COPA: variants seen among roughly 807,000 people sequenced by gnomAD.
COPA encodes the protein coat protein complex I subunit alpha.
A neutral mutation model predicts 158.7 loss-of-function variants in COPA; 10 were observed. The observed-to-expected ratio is 0.06, with a 90% CI of 0.04 to 0.11. COPA has a LOEUF of 0.11. COPA is among the 10% of genes least tolerant of loss of function. The pLI is 1.00. For missense variants in COPA, 1,065 were observed against 1,536.7 expected (o/e 0.69, Z 5.13); for synonymous variants, 462 against 542.8 (o/e 0.85, Z 2.07).
At chr1:160,297,859 C>G (rs1658464584) in intron 19 of COPA, 114 bp from the exon 20 acceptor site, 1 of 1,119,002 alleles carries the variant, frequency 8.9e-7, no homozygotes, top group South Asian at 1.6e-5. Context: ...CCTATACTTT[C>G]AATTACTCCT....
rs1283009687 is a variant in COPA at position 160,333,621 on chromosome 1, T to A, written c.368A>T (p.Gln123Leu). Residue 123 changes from glutamine to leucine, a missense_variant, in exon 5 of 33, where the codon CAA (glutamine) becomes CTA (leucine). By Grantham distance (113) the Gln-to-Leu change is moderately radical. This residue lies in a region of COPA where 85 missense variants were observed against 178.9 expected (regional missense o/e 0.48). Transcript: ENST00000241704. ...DDQTIRVWNW[Q>L]SRTCVCVLTG... is the part of the protein sequence containing the mutation. ...GCTTTACCAAACACAGGTTCTAGATTGCCAGTTCCACACTCGGATGGTCTG... is the reference window on the plus strand; with the variant it reads ...GCTTTACCAAACACAGGTTCTAGATAGCCAGTTCCACACTCGGATGGTCTG... 1.2e-6 allele frequency: 2 copies of A among 1,612,948 alleles called. No homozygotes were observed. Among genetic ancestry groups the A allele is most frequent in the East Asian group, 2.2e-5 (1 of 44,894 alleles).
At chr1:160,316,222 G>A (rs1226798692) in intron 8 of COPA, among the ~76,000 whole-genome samples, 1 of 152,084 alleles carries the variant, frequency 6.6e-6, no homozygotes, top group Non-Finnish European at 1.5e-5. Flanking sequence ...GCCAGACCTG[G>A]TGGTGGATGC....
At position 160,332,472 on chromosome 1, in the gene COPA, T is replaced by G; in HGVS notation, c.472A>C (p.Thr158Pro). The G allele has an allele frequency of 6.2e-7, 1 of 1,613,578 alleles. No homozygotes were observed. The highest frequency in any genetic ancestry group is 8.5e-7 in the Non-Finnish European group (1 of 1,179,858). The change falls in exon 6 of 33, where the codon ACT becomes CCT. Residue 158 changes from threonine (T) to proline (P), a missense_variant. By Grantham distance (38) the Thr-to-Pro change is conservative. Coordinates refer to ENST00000241704, the MANE Select transcript of COPA (RefSeq NM_004371.4). ...CCAGAAATATCCCAAACGCGCACAG[T>G]CTGGTCCAGGCTGGCTGATACTACC... Reference protein sequence around the residue: ...DLVVSASLDQTVRVWDISGLR... With the variant: ...DLVVSASLDQPVRVWDISGLR...
In COPA at chr1:160,305,517, A is replaced by G; in HGVS notation, c.1583T>C (p.Ile528Thr). The G allele has an allele frequency of 1.2e-6, 2 of 1,614,120 alleles. No homozygotes were observed. Among genetic ancestry groups the G allele is most frequent in the Non-Finnish European group, 1.7e-6 (2 of 1,180,012 alleles). The change falls in exon 17 of 33, where the codon ATT becomes ACT. Residue 528 changes from isoleucine (I) to threonine (T), a missense_variant. Ile to Thr is a moderately conservative substitution (Grantham distance 89, BLOSUM62 -1). Around this residue, in one of 2 missense-constraint regions of COPA, gnomAD observed 980 missense variants for 1,357.8 expected, o/e 0.72. Transcript: ENST00000241704. ...ATCCCAGGCCCCACTCTTGACACGA[A>G]TGTTCTCATGAATGTTACATAAAGC... ...LDALCNIHENIRVKSGAWDES... is the reference protein window; with the variant it reads ...LDALCNIHENTRVKSGAWDES...
intron 3 of COPA, among the ~76,000 whole-genome samples, chr1:160,339,015 C>T (rs1647910229): frequency 6.7e-6 from 1 of 148,534 alleles, no homozygotes; most frequent in Non-Finnish European, 1.5e-5. Context: ...CATTCTCTTC[C>T]ACTCCAGAAA....
rs1023060689 is a variant in COPA at position 160,306,071 on chromosome 1, G to A, written c.1442+283C>T. 1.1e-5 allele frequency: 6 copies of A among 567,686 alleles called. No homozygotes were observed. In the Admixed American group the frequency reaches 1.6e-4, roughly 15 times the overall value. 35.2% of individuals were successfully genotyped at this position (567,686 alleles called of 1,614,324 possible). Reference sequence around the variant, plus strand: ...AAGCTCCCTTAAATGTAGGAACTATGTTATTAATCTCTGTCTCTCTCTCAT... The same window carrying A: ...AAGCTCCCTTAAATGTAGGAACTATATTATTAATCTCTGTCTCTCTCTCAT... On this transcript the variant is annotated intron_variant, in intron 15 of 32. Coordinates refer to ENST00000241704, the MANE Select transcript of COPA (RefSeq NM_004371.4).
Position 160,310,176 on chromosome 1 carries a change from T to G in COPA, c.1143+16A>C. 1.3e-6 allele frequency: 2 copies of G among 1,524,258 alleles called. No individual in the cohort carries two copies. The highest frequency in any genetic ancestry group is 1.8e-6 in the Non-Finnish European group (2 of 1,129,068). The allele number at this position is 1,524,258 out of a possible 1,614,324, so 94.4% of individuals were successfully genotyped here. ...GAAAATGAGGAGAACCTAGGAGGGC[T>G]CCACAGGTTACTTACTGTACAAAGC... On this transcript the variant is annotated intron_variant, in intron 12 of 32. Coordinates refer to ENST00000241704, the MANE Select transcript of COPA (RefSeq NM_004371.4).
intron 8 of COPA, among the ~76,000 whole-genome samples, chr1:160,317,089 A>C (rs1317555190): frequency 1.3e-5 from 2 of 150,018 alleles, no homozygotes; most frequent in African/African-American, 2.5e-5. Context: ...ACATTTTCCA[A>C]GTGCTCAAAG....
chr1:160,314,999 G>A (rs1189475721), intron 8 of COPA, among the ~76,000 whole-genome samples: 2 of 152,098 alleles, frequency 1.3e-5, no homozygotes, highest in African/African-American at 4.8e-5. Flanking sequence ...AAGCAAGCTG[G>A]CTTCACTCCC....
chr1:160,314,139 A>T lies in COPA; in HGVS notation c.707-14T>A. The T allele has an allele frequency of 6.2e-7, 1 of 1,608,796 alleles. No individual in the cohort carries two copies. Among genetic ancestry groups the T allele is most frequent in the Non-Finnish European group, 8.5e-7 (1 of 1,177,900 alleles). Reference sequence around the variant, plus strand: ...ATGCCTTTGATTCTGAAGGACAAAAAGAATTAGGTCATCACAATTCCCTAC... The same window carrying T: ...ATGCCTTTGATTCTGAAGGACAAAATGAATTAGGTCATCACAATTCCCTAC... On this transcript the variant is annotated splice_polypyrimidine_tract_variant and intron_variant, in intron 8 of 32. Transcript: ENST00000241704.
chr1:160,308,767 T>A (rs1658872238), intron 13 of COPA, among the ~76,000 whole-genome samples: 1 of 152,166 alleles, frequency 6.6e-6, no homozygotes, highest in African/African-American at 2.4e-5. Flanking sequence ...CATTATAAGA[T>A]TGGAACCACA....
intron 6 of COPA, among the ~76,000 whole-genome samples, chr1:160,328,737 A>G (rs1345268967): frequency 6.6e-6 from 1 of 152,240 alleles, no homozygotes; most frequent in East Asian, 1.9e-4. Flanking sequence ...CAAGTTAAGA[A>G]AGTAACCTTT....
intron 17 of COPA, 43 bp downstream of exon 17, chr1:160,305,390 G>A: frequency 6.3e-7 from 1 of 1,584,766 alleles, no homozygotes; most frequent in Non-Finnish European, 8.6e-7. Flanking sequence ...GTGATTTCAG[G>A]AAGCTGTCTT....
intron 11 of COPA, among the ~76,000 whole-genome samples, chr1:160,311,492 G>A (rs1451654883): frequency 1.3e-5 from 2 of 151,854 alleles, no homozygotes; most frequent in Admixed American, 6.6e-5. Flanking sequence ...GCTCACGCCT[G>A]TAATCCCAGC....
chr1:160,298,935 G>A lies in COPA; in HGVS notation c.1887C>T (p.Leu629=). Residue 629 remains leucine, a synonymous_variant, in exon 19 of 33, where the codon CTC becomes CTT. Transcript: ENST00000241704. ...CCACTTCAGGATAGCCCTTCTTCTG[G>A]AGATAAGCAATAATAGACTGGCCAA... The part of the protein sequence containing the change: ...KLVGQSIIAY[L]QKKGYPEVAL... The A allele has an allele frequency of 6.2e-7, 1 of 1,614,038 alleles. No individual in the cohort carries two copies. The highest frequency in any genetic ancestry group is 8.5e-7 in the Non-Finnish European group (1 of 1,180,022).
chr1:160,333,139 G>A (rs1196272049), intron 5 of COPA, among the ~76,000 whole-genome samples: 1 of 152,206 alleles, frequency 6.6e-6, no homozygotes, highest in Non-Finnish European at 1.5e-5. Flanking sequence ...GGCCAGGCTG[G>A]TCTCGAACTT....
rs779980827 is a variant in COPA at position 160,333,702 on chromosome 1, G to C, written c.310-23C>G. 7 of 1,576,402 alleles carry C rather than the reference G, an allele frequency of 4.4e-6. No individual in the cohort carries two copies. The South Asian group carries it at 6.7e-5, about 15-fold the overall frequency. On this transcript the variant is annotated intron_variant, in intron 4 of 32. Coordinates refer to ENST00000241704, the MANE Select transcript of COPA (RefSeq NM_004371.4). ...TTCCTGAAAGATATTCCAGACAAAGGCTTTAAACATTAAACAAATCTGTTC... is the reference window on the plus strand; with the variant it reads ...TTCCTGAAAGATATTCCAGACAAAGCCTTTAAACATTAAACAAATCTGTTC...
chr1:160,333,867 G>A (rs948291947), intron 4 of COPA, among the ~76,000 whole-genome samples, 188 bp from the exon 5 acceptor site: 2 of 151,988 alleles, frequency 1.3e-5, no homozygotes, highest in Admixed American at 6.6e-5. Flanking sequence ...TCTCAACTTC[G>A]GCACTTTCAC....
At position 160,322,281 on chromosome 1, in the gene COPA, G is replaced by A. The variant is rs117347047; in HGVS notation, c.706+1150C>T. 1.7e-3 allele frequency among the ~76,000 whole-genome samples: 261 copies of A among 152,264 alleles called. 3 individuals carry two copies. In the East Asian group the frequency reaches 0.024, roughly 14 times the overall value. Reference sequence around the variant, plus strand: ...AACAGACACATAAACCAATGGAACAGAACAGAGGACCCAGATATAAATCCA... The same window carrying A: ...AACAGACACATAAACCAATGGAACAAAACAGAGGACCCAGATATAAATCCA... On this transcript the variant is annotated intron_variant, in intron 8 of 32. Coordinates refer to ENST00000241704, the MANE Select transcript of COPA (RefSeq NM_004371.4).
Sources: gnomAD v4.1 joint callset for allele counts (sites outside exome capture counted in the v4.1 genomes callset) on GRCh38, gnomAD v4.1.1 for gene constraint, gnomAD v4.1.1 regional missense constraint, MANE v1.5 for transcripts, NCBI Gene and HGNC (gene_info 2026-07-23, HGNC 2026-07-21) for gene names.